Variants in HOXB4 observed in about 807,000 individuals in gnomAD.
HOXB4 encodes the protein homeobox protein Hox-B4.
In HOXB4, 13 loss-of-function variants were observed where a neutral mutation model predicts 20.0. The observed-to-expected ratio is 0.65, with a 90% CI of 0.42 to 1.03. The LOEUF (loss-of-function observed/expected upper bound fraction) is 1.03. Among genes scored for constraint, HOXB4 ranks in the 50% least tolerant of loss-of-function variants. The pLI, the probability that HOXB4 is intolerant of heterozygous loss-of-function variation, is 0.00. For missense variants in HOXB4, 343 were observed against 357.1 expected, an observed-to-expected ratio of 0.96 and a Z score of 0.32; for synonymous variants, 173 against 148.9, an observed-to-expected ratio of 1.16 and a Z score of -1.18.
rs774508674 is a variant in HOXB4 at position 48,575,852 on chromosome 17, A to G, written c.*870T>C. ...CTGTACAACTCTGGACTGGCAGAGT[A>G]GTGCCCAGCTCCCAGAACTCAACTG... On this transcript the variant is annotated 3_prime_UTR_variant, in exon 2 of 2. Transcript: ENST00000332503. The G allele has an allele frequency of 2.0e-4, 31 of 152,608 alleles. No individual in the cohort carries two copies. The highest frequency in any genetic ancestry group is 4.0e-4 in the Non-Finnish European group (27 of 68,020). 9.5% of individuals were successfully genotyped at this position (152,608 alleles called of 1,614,324 possible).
chr17:48,577,720 C>A (rs773359561), intron 1 of HOXB4, 143 bp downstream of exon 1: 31 of 708,156 alleles, frequency 4.4e-5, no homozygotes, highest in Non-Finnish European at 5.9e-5. Context: ...TGAAAACAGG[C>A]GACCGTAAAT....
Position 48,576,510 on chromosome 17 carries a change from G to GC in HOXB4, c.*211_*212insG, listed in dbSNP as rs990735803. 1.3e-5 allele frequency: 4 copies of GC among 307,414 alleles called. No individual in the cohort carries two copies. Among genetic ancestry groups the GC allele is most frequent in the Non-Finnish European group, 2.3e-5 (4 of 175,814 alleles). 19.0% of individuals were successfully genotyped at this position (307,414 alleles called of 1,614,324 possible). A position where few individuals can be genotyped will look rare whatever the true frequency, so the allele number is the denominator to read the frequency against. On this transcript the variant is annotated 3_prime_UTR_variant, in exon 2 of 2. Coordinates refer to ENST00000332503, the MANE Select transcript of HOXB4 (RefSeq NM_024015.5). ...AGCAAGAGATTTGAATCTTGCTTCT[G>GC]GGGGGGCCTCCCCGTGGCCCTCTAT...
chr17:48,577,659 G>A (rs184083165), intron 1 of HOXB4, among the ~76,000 whole-genome samples: 1 of 152,284 alleles, frequency 6.6e-6, no homozygotes, highest in East Asian at 1.9e-4. Context: ...CTTCAAAGGC[G>A]CAGGGCCCAC....
At position 48,576,913 on chromosome 17, in the gene HOXB4, G is replaced by T. The variant is rs751342746; in HGVS notation, c.565C>A (p.Arg189=). Residue 189 remains arginine (R), a synonymous_variant, in exon 2 of 2, where the codon CGG becomes AGG. Coordinates refer to ENST00000332503, the MANE Select transcript of HOXB4 (RefSeq NM_024015.5). ...KEFHYNRYLT[R]RRRVEIAHAL... ...TGGGCGATCTCCACCCTCCGGCGCCGTGTCAGGTAGCGGTTGTAGTGAAAT... is the reference window on the plus strand; with the variant it reads ...TGGGCGATCTCCACCCTCCGGCGCCTTGTCAGGTAGCGGTTGTAGTGAAAT... 41 of 1,614,130 alleles carry T rather than the reference G, an allele frequency of 2.5e-5. No individual in the cohort carries two copies. The African/African-American group carries it at 4.8e-4, about 19-fold the overall frequency.
In HOXB4 at chr17:48,576,776, TG is replaced by T; in HGVS notation, c.701del (p.Ala234GlufsTer35). 2 of 1,613,838 alleles carry T rather than the reference TG, an allele frequency of 1.2e-6. No homozygotes were observed. Among genetic ancestry groups the T allele is most frequent in the Non-Finnish European group, 1.7e-6 (2 of 1,179,868 alleles). On this transcript the variant is annotated frameshift_variant, in exon 2 of 2. Transcript: ENST00000332503. LOFTEE classifies it high-confidence loss of function. Reference protein sequence around the residue: ...PNTKIRSGGAAGSAGGPPGRP... With the variant: ...PNTKIRSGGAXGSAGGPPGRP... ...GGCCAGGGGGCCCTCCGGCTGAGCC[TG>T]CCGCACCACCCGAGCGGATCTTGGT... is the stretch of plus-strand genomic sequence containing the variant.
In HOXB4 at chr17:48,576,985, A is replaced by G; in HGVS notation, c.493T>C (p.Ser165Pro). 3 of 1,610,396 alleles carry G rather than the reference A, an allele frequency of 1.9e-6. No individual in the cohort carries two copies. The highest frequency in any genetic ancestry group is 2.5e-6 in the Non-Finnish European group (3 of 1,177,366). ...PNYAGGEPKRSRTAYTRQQVL... is the reference protein window; with the variant it reads ...PNYAGGEPKRPRTAYTRQQVL... ...TGCTGGCGCGTGTAGGCGGTCCGAGAGCGCTTGGGCTCCCCGCCGGCGTAA... is the reference window on the plus strand; with the variant it reads ...TGCTGGCGCGTGTAGGCGGTCCGAGGGCGCTTGGGCTCCCCGCCGGCGTAA... Residue 165 changes from serine to proline, a missense_variant, in exon 2 of 2, where the codon TCT (serine) becomes CCT (proline). Physicochemically the swap from Ser to Pro is moderately conservative, Grantham distance 74. Around this residue, in one of 3 missense-constraint regions of HOXB4, gnomAD observed 54 missense variants for 90.3 expected, o/e 0.60. Transcript: ENST00000332503.
In HOXB4 at chr17:48,576,766, C is replaced by T. The variant is rs1213007486; in HGVS notation, c.712G>A (p.Gly238Arg). The T allele has an allele frequency of 1.2e-6, 2 of 1,613,778 alleles. No individual in the cohort carries two copies. Among genetic ancestry groups the T allele is most frequent in the Admixed American group, 1.7e-5 (1 of 60,018 alleles). ...CCATTGGGCCGGCCAGGGGGCCCTC[C>T]GGCTGAGCCTGCCGCACCACCCGAG... is the stretch of plus-strand genomic sequence containing the variant. Reference protein sequence around the residue: ...IRSGGAAGSAGGPPGRPNGGP... With the variant: ...IRSGGAAGSARGPPGRPNGGP... Residue 238 changes from glycine (G) to arginine (R), a missense_variant, in exon 2 of 2, where the codon GGA becomes AGA. This residue lies in a region of HOXB4 where 48 missense variants were observed against 44.8 expected (regional missense o/e 1.07). Coordinates refer to ENST00000332503, the MANE Select transcript of HOXB4 (RefSeq NM_024015.5).
At chr17:48,577,418 C>T (rs2069802462) in intron 1 of HOXB4, among the ~76,000 whole-genome samples, 1 of 152,158 alleles carries the variant, frequency 6.6e-6, no homozygotes, top group African/African-American at 2.4e-5. Context: ...CCAAGCAGTG[C>T]CTACCCCTAC....
rs1180960217 is a variant in HOXB4, at chr17:48,578,071, G to C, written c.249C>G (p.Pro83=). ...PPPPPPPPPP[P]PPPPGLSPRA... ...GAGGGGACAGACCGGGCGGTGGCGG[G>C]GGCGGCGGGGGTGGTGGCGGAGGCG... is the stretch of plus-strand genomic sequence containing the variant. Residue 83 remains proline (P), a synonymous_variant, in exon 1 of 2, where the codon CCC becomes CCG. Coordinates refer to ENST00000332503, the MANE Select transcript of HOXB4 (RefSeq NM_024015.5). The C allele has an allele frequency of 1.9e-6, 2 of 1,075,592 alleles. No individual in the cohort carries two copies. The highest frequency in any genetic ancestry group is 6.8e-5 in the East Asian group (2 of 29,276). 66.6% of individuals were successfully genotyped at this position (1,075,592 alleles called of 1,614,324 possible).
rs754555274 is a variant in HOXB4 at position 48,577,910 on chromosome 17, T to C, written c.410A>G (p.Lys137Arg). 2 of 1,376,854 alleles carry C rather than the reference T, an allele frequency of 1.5e-6. No homozygotes were observed. Among genetic ancestry groups the C allele is most frequent in the South Asian group, 2.1e-5 (1 of 48,012 alleles). 85.3% of individuals were successfully genotyped at this position (1,376,854 alleles called of 1,614,324 possible). ...CATCCAGGGGTAGACGACGGGCTCT[T>C]TGCACGCGGAGTGGGACGGGCTGGG... ...LHPSPSHSAC[K>R]EPVVYPWMRK... The change falls in exon 1 of 2, where the codon AAA becomes AGA. Residue 137 changes from lysine (K) to arginine (R), a missense_variant. Lys to Arg is a conservative substitution (Grantham distance 26). Coordinates refer to ENST00000332503, the MANE Select transcript of HOXB4 (RefSeq NM_024015.5).
In HOXB4 at chr17:48,576,788, C is replaced by G; in HGVS notation, c.690G>C (p.Ser230=). 1 of 1,614,184 alleles carries G rather than the reference C, an allele frequency of 6.2e-7. No individual in the cohort carries two copies. The highest frequency in any genetic ancestry group is 8.5e-7 in the Non-Finnish European group (1 of 1,180,006). ...DHKLPNTKIR[S]GGAAGSAGGP... ...CTCCGGCTGAGCCTGCCGCACCACCCGAGCGGATCTTGGTGTTGGGCAACT... is the reference window on the plus strand; with the variant it reads ...CTCCGGCTGAGCCTGCCGCACCACCGGAGCGGATCTTGGTGTTGGGCAACT... Residue 230 remains serine (S), a synonymous_variant, in exon 2 of 2, where the codon TCG becomes TCC. Transcript: ENST00000332503.
At position 48,575,618 on chromosome 17, in the gene HOXB4, C is replaced by T. The variant is rs548392955; in HGVS notation, c.*1104G>A. On this transcript the variant is annotated 3_prime_UTR_variant, in exon 2 of 2. Coordinates refer to ENST00000332503, the MANE Select transcript of HOXB4 (RefSeq NM_024015.5). ...AAGCAGCCCCAGAGGTAGGAAGGGG[C>T]CTGGTTTTGGAATGTCAGAAAGAGA... 1 of 152,424 alleles carries T rather than the reference C, an allele frequency of 6.6e-6. No homozygotes were observed. Among genetic ancestry groups the T allele is most frequent in the Non-Finnish European group, 1.5e-5 (1 of 67,996 alleles). 9.4% of individuals were successfully genotyped at this position (152,424 alleles called of 1,614,324 possible).
At position 48,576,552 on chromosome 17, in the gene HOXB4, A is replaced by G; in HGVS notation, c.*170T>C. 1.9e-6 allele frequency: 1 copy of G among 513,498 alleles called. No homozygotes were observed. Among genetic ancestry groups the G allele is most frequent in the South Asian group, 4.3e-5 (1 of 23,094 alleles). 31.8% of individuals were successfully genotyped at this position (513,498 alleles called of 1,614,324 possible). ...GCCCTCTATTGTCATTTCTATAAAT[A>G]AAGCTTCCCCTCCCCCTCTTCTGCG... On this transcript the variant is annotated 3_prime_UTR_variant, in exon 2 of 2. Transcript: ENST00000332503.
Position 48,578,112 on chromosome 17 carries a change from C to T in HOXB4, c.208G>A (p.Asp70Asn), listed in dbSNP as rs779026600. ...GGCGGAGGCGGCGGGGGCCCAGGGT[C>T]CCGGCAGGCCGCGTAGCGCTGCACG... ...CTVQRYAACRDPGPPPPPPPP... is the reference protein window; with the variant it reads ...CTVQRYAACRNPGPPPPPPPP... Residue 70 changes from aspartate (D) to asparagine (N), a missense_variant, in exon 1 of 2, where the codon GAC becomes AAC. Asp to Asn is a conservative substitution (Grantham distance 23, BLOSUM62 1). Transcript: ENST00000332503. The T allele has an allele frequency of 1.5e-6, 2 of 1,309,012 alleles. No homozygotes were observed. The highest frequency in any genetic ancestry group is 2.0e-5 in the South Asian group (1 of 50,738). The allele number at this position is 1,309,012 out of a possible 1,614,324, so 81.1% of individuals were successfully genotyped here. A position where few individuals can be genotyped will look rare whatever the true frequency, so the allele number is the denominator to read the frequency against.
Position 48,576,645 on chromosome 17 carries a change from T to TGCCCCCCCCCCCCCCC in HOXB4, c.*76_*77insGGGGGGGGGGGGGGGC. On this transcript the variant is annotated 3_prime_UTR_variant, in exon 2 of 2. Coordinates refer to ENST00000332503, the MANE Select transcript of HOXB4 (RefSeq NM_024015.5). ...CCGGGGCCCAGGCCCCAGGGCCCCC[T>TGCCCCCCCCCCCCCCC]CCTGTCCCCCCACCCCATCCCCTGC... The TGCCCCCCCCCCCCCCC allele has an allele frequency of 3.6e-6, 2 of 559,070 alleles. No individual in the cohort carries two copies. Among genetic ancestry groups the TGCCCCCCCCCCCCCCC allele is most frequent in the African/African-American group, 2.4e-5 (1 of 42,426 alleles). 34.6% of individuals were successfully genotyped at this position (559,070 alleles called of 1,614,324 possible).
Position 48,576,683 on chromosome 17 carries a change from C to G in HOXB4, c.*39G>C. 1 of 1,517,888 alleles carries G rather than the reference C, an allele frequency of 6.6e-7. No homozygotes were observed. The highest frequency in any genetic ancestry group is 1.3e-5 in the South Asian group (1 of 79,478). The allele number at this position is 1,517,888 out of a possible 1,614,324, so 94.0% of individuals were successfully genotyped here. Reference sequence around the variant, plus strand: ...CCCCATCCCCTGCACTCACTGCCCACCCCCACCCCGAGGTTCGTGGCTCCC... The same window carrying G: ...CCCCATCCCCTGCACTCACTGCCCAGCCCCACCCCGAGGTTCGTGGCTCCC... On this transcript the variant is annotated 3_prime_UTR_variant, in exon 2 of 2. Transcript: ENST00000332503.
rs200388738 is a variant in HOXB4, at chr17:48,576,779, C to G, written c.699G>C (p.Ala233=). The G allele has an allele frequency of 5.6e-6, 9 of 1,613,962 alleles. No homozygotes were observed. Among genetic ancestry groups the G allele is most frequent in the Non-Finnish European group, 7.6e-6 (9 of 1,179,986 alleles). The change falls in exon 2 of 2, where the codon GCG becomes GCC. Residue 233 remains alanine (A), a synonymous_variant. Transcript: ENST00000332503. ...CAGGGGGCCCTCCGGCTGAGCCTGC[C>G]GCACCACCCGAGCGGATCTTGGTGT... ...LPNTKIRSGG[A]AGSAGGPPGR...
Position 48,578,007 on chromosome 17 carries a change from C to T in HOXB4, c.313G>A (p.Glu105Lys). The T allele has an allele frequency of 1.4e-5, 16 of 1,160,940 alleles. No individual in the cohort carries two copies. The highest frequency in any genetic ancestry group is 1.6e-5 in the Non-Finnish European group (15 of 937,252). The allele number at this position is 1,160,940 out of a possible 1,614,324, so 71.9% of individuals were successfully genotyped here. The change falls in exon 1 of 2, where the codon GAG becomes AAG. Residue 105 changes from glutamate (E) to lysine (K), a missense_variant. This residue lies in a region of HOXB4 where 241 missense variants were observed against 222.0 expected (regional missense o/e 1.09). Coordinates refer to ENST00000332503, the MANE Select transcript of HOXB4 (RefSeq NM_024015.5). ...APPPAGALLP[E>K]PGQRCEAVSS... The stretch of plus-strand genomic sequence containing the variant: ...ACCGCCTCGCAGCGCTGGCCGGGCT[C>T]CGGGAGGAGGGCCCCGGCGGGTGGC...
chr17:48,577,543 TCCTCCTCCA>T lies in HOXB4; in HGVS notation c.457+311_457+319del, dbSNP rs764853200. On this transcript the variant is annotated intron_variant, in intron 1 of 1. Coordinates refer to ENST00000332503, the MANE Select transcript of HOXB4 (RefSeq NM_024015.5). ...AATACGGATTACCTCCTCCTCCTTC[TCCTCCTCCA>T]CCTCCTCCACCCCTCCCCAACTTCC... is the stretch of plus-strand genomic sequence containing the variant. 3.3e-5 allele frequency among the ~76,000 whole-genome samples: 5 copies of T among 152,238 alleles called. No individual in the cohort carries two copies. In the South Asian group the frequency reaches 6.2e-4, roughly 19 times the overall value.
Sources: gnomAD v4.1 joint callset for allele counts (sites outside exome capture counted in the v4.1 genomes callset) on GRCh38, gnomAD v4.1.1 for gene constraint, gnomAD v4.1.1 regional missense constraint, MANE v1.5 for transcripts, NCBI Gene and HGNC (gene_info 2026-07-23, HGNC 2026-07-21) for gene names.